TXLNB: variants seen among roughly 807,000 people sequenced by gnomAD.
TXLNB encodes beta-taxilin.
A neutral mutation model predicts 57.4 loss-of-function variants in TXLNB; 37 were observed. The observed-to-expected ratio is 0.64, with a 90% CI of 0.50 to 0.85. TXLNB has a LOEUF of 0.85. TXLNB is among the 40% of genes least tolerant of loss of function. The probability of loss-of-function intolerance (pLI) is 0.00; values close to 1 mark genes in which losing one functional copy is unlikely to be tolerated. For synonymous variants in TXLNB, 302 were observed against 309.6 expected, an observed-to-expected ratio of 0.98 and a Z score of 0.26; for missense variants, 848 against 825.6, an observed-to-expected ratio of 1.03 and a Z score of -0.33.
At chr6:139,214,353 T>A in the TXLNB span, among the ~76,000 whole-genome samples, 5 of 152,098 alleles carry the variant, frequency 3.3e-5, no homozygotes. Flanking sequence ...TAATCCAGCA[T>A]ACAAACAGAA....
chr6:139,165,994 G>A, the TXLNB span: 6 of 289,868 alleles, frequency 2.1e-5, no homozygotes, highest in African/African-American at 1.1e-4. Flanking sequence ...ACGAGAAATC[G>A]GTATGAGACC....
chr6:139,278,467 C>T (rs529424186), intron 2 of TXLNB, among the ~76,000 whole-genome samples: 2 of 152,170 alleles, frequency 1.3e-5, no homozygotes, highest in Non-Finnish European at 2.9e-5. Context: ...TAATCACTGA[C>T]GCCTCGCCCC....
chr6:139,252,847 C>T (rs947128777), intron 7 of TXLNB, among the ~76,000 whole-genome samples: 4 of 152,046 alleles, frequency 2.6e-5, no homozygotes, highest in African/African-American at 7.2e-5. Flanking sequence ...AAAAATTAGC[C>T]GGGTGTGGTG....
chr6:139,292,589 G>A (rs953190849), upstream of TXLNB, among the ~76,000 whole-genome samples: 1 of 152,144 alleles, frequency 6.6e-6, no homozygotes, highest in African/African-American at 2.4e-5. The surrounding 1 kb of genome is among the most constrained non-coding windows in gnomAD (Gnocchi z 4.0). Context: ...TGGTGATTTT[G>A]GAGCTGAACT....
chr6:139,313,586 TC>T, the TXLNB span, among the ~76,000 whole-genome samples: 1 of 152,168 alleles, frequency 6.6e-6, no homozygotes, highest in East Asian at 1.9e-4. Flanking sequence ...TTGTTGAACA[TC>T]TGTGAGAAAG....
chr6:139,274,769 C>T (rs1180640540), intron 3 of TXLNB, among the ~76,000 whole-genome samples: 1 of 152,056 alleles, frequency 6.6e-6, no homozygotes, highest in African/African-American at 2.4e-5. Context: ...AGAATGCTGC[C>T]CAGTCCCCTC....
chr6:139,173,731 A>G, the TXLNB span, among the ~76,000 whole-genome samples: 1 of 152,348 alleles, frequency 6.6e-6, no homozygotes, highest in African/African-American at 2.4e-5. Context: ...TAACATTAAG[A>G]TGTTATCAAA....
chr6:139,177,766 A>G, the TXLNB span: 5 of 152,278 alleles, frequency 3.3e-5, no homozygotes, highest in East Asian at 9.6e-4. This position sits in a 1 kb window ranked among gnomAD's most constrained non-coding sequence, Gnocchi z 4.9. Context: ...CTGACCTATA[A>G]CAGAATATGT....
At chr6:139,227,515 A>G in the TXLNB span, among the ~76,000 whole-genome samples, 2 of 152,240 alleles carry the variant, frequency 1.3e-5, no homozygotes, top group East Asian at 3.8e-4. Flanking sequence ...ACTGATTAGT[A>G]GTATCTCCTA....
intron 9 of TXLNB, 88 bp from the exon 10 acceptor site, chr6:139,243,402 A>G (rs1776000077): frequency 1.5e-6 from 2 of 1,376,890 alleles, no homozygotes; most frequent in Admixed American, 4.6e-5. Context: ...AAACAAGCAA[A>G]ACTATTTGTC....
intron 8 of TXLNB, 132 bp from the exon 9 acceptor site, chr6:139,244,822 A>G: frequency 1.5e-6 from 1 of 652,632 alleles, no homozygotes; most frequent in Non-Finnish European, 2.7e-6. Flanking sequence ...TTCAATGTCA[A>G]GAATGAAGAT....
chr6:139,228,209 C>T, the TXLNB span, among the ~76,000 whole-genome samples: 49 of 152,214 alleles, frequency 3.2e-4, 1 homozygote, highest in East Asian at 8.9e-3. Flanking sequence ...GCAACGCAAC[C>T]ATACCCTCTT....
intron 4 of TXLNB, among the ~76,000 whole-genome samples, chr6:139,267,077 C>T (rs1036632669): frequency 1.2e-4 from 17 of 146,636 alleles, no homozygotes; most frequent in Non-Finnish European, 4.5e-5. Context: ...TAAAAGGCAA[C>T]TAAGAGAATT....
chr6:139,198,325 T>C, the TXLNB span, among the ~76,000 whole-genome samples: 3 of 152,084 alleles, frequency 2.0e-5, no homozygotes, highest in Non-Finnish European at 4.4e-5. Flanking sequence ...CCTACTCAAC[T>C]GGAAGGTACC....
chr6:139,265,098 A>G (rs978755929), intron 4 of TXLNB, among the ~76,000 whole-genome samples: 5 of 152,252 alleles, frequency 3.3e-5, no homozygotes, highest in Non-Finnish European at 7.3e-5. Flanking sequence ...TGCCTGGCAC[A>G]TAATCCAAAG....
chr6:139,166,180 A>G, the TXLNB span: 10 of 893,562 alleles, frequency 1.1e-5, no homozygotes, highest in Admixed American at 5.0e-5. Context: ...GCCTTTCATT[A>G]TATTCATGTC....
At chr6:139,171,429 G>T in the TXLNB span, among the ~76,000 whole-genome samples, 2 of 152,192 alleles carry the variant, frequency 1.3e-5, no homozygotes, top group Non-Finnish European at 2.9e-5. Flanking sequence ...TTGAACGTTT[G>T]ATGTAAAACC....
At chr6:139,228,236 C>T in the TXLNB span, among the ~76,000 whole-genome samples, 1 of 152,248 alleles carries the variant, frequency 6.6e-6, no homozygotes, top group South Asian at 2.1e-4. Context: ...GGAAACTAGG[C>T]TGGGCGCAGT....
At chr6:139,234,440 C>T in the TXLNB span, 6 of 152,394 alleles carry the variant, frequency 3.9e-5, no homozygotes. Context: ...TCTGTGCAGC[C>T]TTGGGACATG....
Sources: gnomAD v4.1 joint callset for allele counts (sites outside exome capture counted in the v4.1 genomes callset) on GRCh38, gnomAD v4.1.1 for gene constraint, Gnocchi (gnomAD v3.1) non-coding constraint, MANE v1.5 for transcripts, NCBI Gene and HGNC (gene_info 2026-07-23, HGNC 2026-07-21) for gene names.